The following WDFY3 variants were observed in gnomAD, a reference collection of about 807,000 sequenced individuals.
The protein encoded by WDFY3 is WD repeat and FYVE domain-containing protein 3.
WDFY3 carries 66 observed loss-of-function variants against 409.6 expected under a neutral mutation model. The observed-to-expected ratio is 0.16, with a 90% CI of 0.13 to 0.20. The LOEUF (loss-of-function observed/expected upper bound fraction) is 0.20, where lower values mean the gene tolerates loss of function less well. WDFY3 is among the 10% of genes least tolerant of loss of function. The pLI is 1.00. For synonymous variants in WDFY3, 1,521 were observed against 1,537.1 expected (o/e 0.99, Z 0.25); for missense variants, 3,031 against 4,298.1 (o/e 0.71, Z 8.24).
intron 7 of WDFY3, among the ~76,000 whole-genome samples, chr4:84,832,296 T>C (rs959111160): frequency 6.6e-6 from 1 of 152,088 alleles, no homozygotes; most frequent in African/African-American, 2.4e-5. Flanking sequence ...GTTGATCTCA[T>C]GAAAGTAAAG....
rs114645149 is a variant in WDFY3 at position 84,914,723 on chromosome 4, C to T, written c.-132+17547G>A. ...GTAAGTATGTAGAGAAATTGGAACC[C>T]TCATGTATTGCTAGAAAAATGCAAA... On this transcript the variant is annotated intron_variant, in intron 2 of 67. Coordinates refer to ENST00000295888, the MANE Select transcript of WDFY3 (RefSeq NM_014991.6). Among the ~76,000 whole-genome samples, 1,190 of 152,214 alleles carry T rather than the reference C, an allele frequency of 7.8e-3. 13 individuals are homozygous for T. The highest frequency in any genetic ancestry group is 0.028 in the African/African-American group (1,151 of 41,546).
Position 84,923,698 on chromosome 4 carries a change from C to A in WDFY3, c.-132+8572G>T, listed in dbSNP as rs146063464. Among the ~76,000 whole-genome samples, 400 of 152,230 alleles carry A rather than the reference C, an allele frequency of 2.6e-3. 4 individuals are homozygous for A. The highest frequency in any genetic ancestry group is 9.1e-3 in the African/African-American group (378 of 41,534). ...CTGGTTCTATACACCATGCCCCAAG[C>A]ATGAAAATAAAACTTTCAGGCCAGA... On this transcript the variant is annotated intron_variant, in intron 2 of 67. Coordinates refer to ENST00000295888, the MANE Select transcript of WDFY3 (RefSeq NM_014991.6).
At chr4:84,911,680 T>C (rs1371198547) in intron 2 of WDFY3, among the ~76,000 whole-genome samples, 2 of 152,152 alleles carry the variant, frequency 1.3e-5, no homozygotes, top group East Asian at 3.8e-4. Context: ...ACAAACTTCA[T>C]AGCCTAGGAA....
At chr4:84,800,769 C>T (rs996158016) in intron 17 of WDFY3, among the ~76,000 whole-genome samples, 1 of 152,274 alleles carries the variant, frequency 6.6e-6, no homozygotes, top group Admixed American at 6.5e-5. Flanking sequence ...TTTAGATTCT[C>T]ATAAGGAGTG....
chr4:84,862,851 G>A (rs985313502), intron 3 of WDFY3, among the ~76,000 whole-genome samples: 4 of 152,164 alleles, frequency 2.6e-5, no homozygotes, highest in African/African-American at 9.7e-5. Context: ...TTAGCCGGGC[G>A]TGGTGGCAGG....
intron 12 of WDFY3, among the ~76,000 whole-genome samples, chr4:84,819,280 A>G (rs1753738316): frequency 6.6e-6 from 1 of 152,072 alleles, no homozygotes; most frequent in African/African-American, 2.4e-5. Context: ...GATACACAAT[A>G]TATTTTAAAT....
intron 36 of WDFY3, among the ~76,000 whole-genome samples, chr4:84,747,384 T>C (rs1171782056): frequency 2.0e-5 from 3 of 152,132 alleles, no homozygotes; most frequent in African/African-American, 7.2e-5. Context: ...TGTTGACTGA[T>C]TTTTCCTCTC....
At chr4:84,791,108 G>T (rs1238219093) in intron 21 of WDFY3, among the ~76,000 whole-genome samples, 1 of 152,126 alleles carries the variant, frequency 6.6e-6, no homozygotes, top group East Asian at 1.9e-4. Flanking sequence ...CCATATCTGG[G>T]CACTTATCTA....
At chr4:84,827,040 A>T in intron 9 of WDFY3, 59 bp from the exon 10 acceptor site, 1 of 1,553,754 alleles carries the variant, frequency 6.4e-7, no homozygotes, top group Non-Finnish European at 8.6e-7. Context: ...CTCAGATTTA[A>T]CACAAAGTAT....
intron 57 of WDFY3, 134 bp downstream of exon 57, chr4:84,696,598 G>A (rs1233790968): frequency 1.3e-6 from 1 of 759,200 alleles, no homozygotes; most frequent in Non-Finnish European, 2.1e-6. Flanking sequence ...TTCTTGGGAT[G>A]TATCCCCTGT....
At chr4:84,733,687 A>G in intron 43 of WDFY3, 78 bp from the exon 44 acceptor site, 1 of 1,357,114 alleles carries the variant, frequency 7.4e-7, no homozygotes, top group Non-Finnish European at 1.0e-6. Flanking sequence ...ACTGAAAATC[A>G]AGTTATTATT....
intron 3 of WDFY3, among the ~76,000 whole-genome samples, chr4:84,861,662 T>C (rs1760656955): frequency 6.6e-6 from 1 of 152,176 alleles, no homozygotes; most frequent in Admixed American, 6.5e-5. Flanking sequence ...GAATAACTTG[T>C]TTCATGAAGC....
At chr4:84,957,258 C>CAA (rs149018066) in intron 1 of WDFY3, among the ~76,000 whole-genome samples, 70 of 59,316 alleles carry the variant, frequency 1.2e-3, no homozygotes, top group African/African-American at 3.6e-3. Flanking sequence ...TTTCATATAC[C>CAA]AAAAAAAAAA....
intron 8 of WDFY3, 142 bp downstream of exon 8, chr4:84,831,271 A>G: frequency 1.5e-6 from 1 of 645,788 alleles, no homozygotes; most frequent in Non-Finnish European, 2.3e-6. Context: ...GATGAAAAAA[A>G]ATATTTTCTT....
At chr4:84,930,932 C>A (rs1175849949) in intron 2 of WDFY3, among the ~76,000 whole-genome samples, 1 of 152,156 alleles carries the variant, frequency 6.6e-6, no homozygotes, top group Non-Finnish European at 1.5e-5. Context: ...ATATTATATA[C>A]AGTAAGATAT....
intron 3 of WDFY3, among the ~76,000 whole-genome samples, chr4:84,895,371 A>T (rs1187053414): frequency 1.3e-5 from 2 of 152,242 alleles, no homozygotes; most frequent in East Asian, 3.8e-4. Flanking sequence ...AGAGAAAGTA[A>T]CATCTGAACT....
At chr4:84,959,649 A>G (rs1774672921) in intron 1 of WDFY3, among the ~76,000 whole-genome samples, 1 of 152,218 alleles carries the variant, frequency 6.6e-6, no homozygotes, top group Non-Finnish European at 1.5e-5. Context: ...CTGAGGAGAT[A>G]GGAGAAGAAA....
At chr4:84,882,718 A>T (rs939071857) in intron 3 of WDFY3, among the ~76,000 whole-genome samples, 3 of 143,864 alleles carry the variant, frequency 2.1e-5, no homozygotes, top group Non-Finnish European at 4.6e-5. Flanking sequence ...TTTCACCTAT[A>T]TTTTTTTTTT....
At chr4:84,871,336 A>C (rs1560970414) in intron 3 of WDFY3, among the ~76,000 whole-genome samples, 1 of 152,172 alleles carries the variant, frequency 6.6e-6, no homozygotes, top group Non-Finnish European at 1.5e-5. Flanking sequence ...GGAGTGAAAT[A>C]GTTTAAACAT....
Sources: gnomAD v4.1 joint callset for allele counts (sites outside exome capture counted in the v4.1 genomes callset) on GRCh38, gnomAD v4.1.1 for gene constraint, MANE v1.5 for transcripts, NCBI Gene and HGNC (gene_info 2026-07-23, HGNC 2026-07-21) for gene names.